GSE1: variants seen among roughly 807,000 people sequenced by gnomAD.
GSE1 encodes genetic suppressor element 1.
GSE1 carries 32 observed loss-of-function variants against 112.6 expected under a neutral mutation model. The observed-to-expected ratio is 0.28, with a 90% CI of 0.21 to 0.38. GSE1 has a LOEUF of 0.38. GSE1 is among the 10% of genes least tolerant of loss of function. The pLI, the probability that GSE1 is intolerant of heterozygous loss-of-function variation, is 1.00. For missense variants in GSE1, 2,348 were observed against 1,699.2 expected (o/e 1.38, Z -6.71); for synonymous variants, 1,115 against 735.6 (o/e 1.52, Z -8.35).
intron 2 of GSE1, among the ~76,000 whole-genome samples, chr16:85,530,768 G>A (rs538123979): frequency 6.6e-6 from 1 of 152,378 alleles, no homozygotes; most frequent in East Asian, 1.9e-4. Context: ...CAGCCTGCAT[G>A]GCAGTTCCTT....
intron 2 of GSE1, among the ~76,000 whole-genome samples, chr16:85,390,864 C>T (rs545468330): frequency 3.5e-4 from 54 of 152,326 alleles, no homozygotes; most frequent in African/African-American, 1.3e-3. Flanking sequence ...TATGACATTA[C>T]ATTTTTGTGT....
rs553284519 is a variant in GSE1, at chr16:85,387,431, C to A, written c.2464+29788C>A. On this transcript the variant is annotated intron_variant, in intron 2 of 2. Coordinates refer to the GSE1 transcript ENST00000637419. ...CTGCTCTGTGGTCCTGCCCCAGGGC[C>A]TTTGCATCTGCTGTCCCTTCAGCCT... Among the ~76,000 whole-genome samples, 37 of 152,346 alleles carry A rather than the reference C, an allele frequency of 2.4e-4. 1 individual carries two copies. In the South Asian group the frequency reaches 7.7e-3, roughly 32 times the overall value.
intron 2 of GSE1, among the ~76,000 whole-genome samples, chr16:85,477,280 G>A (rs1436634326): frequency 6.6e-6 from 1 of 152,168 alleles, no homozygotes; most frequent in Non-Finnish European, 1.5e-5. Flanking sequence ...CCTGTCCCGG[G>A]TGCCCAAAAC....
At chr16:85,366,203 GCTTTGACA>G (rs2047182166) in intron 2 of GSE1, among the ~76,000 whole-genome samples, 1 of 152,272 alleles carries the variant, frequency 6.6e-6, no homozygotes, top group Non-Finnish European at 1.5e-5. Flanking sequence ...GCTGCCGAGT[GCTTTGACA>G]CCAGGCGCTC....
At chr16:85,645,116 G>T (rs2050745936) in intron 2 of GSE1, among the ~76,000 whole-genome samples, 1 of 151,202 alleles carries the variant, frequency 6.6e-6, no homozygotes, top group South Asian at 2.1e-4. Context: ...CCGGCACAGT[G>T]CCCAGTCCCA....
At chr16:85,481,086 C>T (rs1165547944) in intron 2 of GSE1, among the ~76,000 whole-genome samples, 2 of 152,230 alleles carry the variant, frequency 1.3e-5, no homozygotes, top group Non-Finnish European at 2.9e-5. Context: ...CTCCAACCGG[C>T]CCTGACACCT....
chr16:85,671,016 T>TTA lies in GSE1; in HGVS notation c.3437_3438insTA (p.Leu1147SerfsTer18). 1 of 1,609,270 alleles carries TTA rather than the reference T, an allele frequency of 6.2e-7. No individual in the cohort carries two copies. The highest frequency in any genetic ancestry group is 8.5e-7 in the Non-Finnish European group (1 of 1,176,692). On this transcript the variant is annotated frameshift_variant, in exon 15 of 16. Transcript: ENST00000253458. LOFTEE classifies it high-confidence loss of function. ...TCAGAGCAAAATCTGGAGCGGCAGG[T>TTA]GTTACAGACACAATGTAGACGACTG...
chr16:85,235,428 C>CTCTGTGTGTGTGTGTGTGTGTGTGTG (rs775585078), intron 1 of GSE1, among the ~76,000 whole-genome samples: 2 of 126,318 alleles, frequency 1.6e-5, no homozygotes, highest in African/African-American at 3.1e-5. Context: ...TGGAAGGGTA[C>CTCTGTGTGTGTGTGTGTGTGTGTGTG]TGTGTGTGTG....
intron 1 of GSE1, among the ~76,000 whole-genome samples, chr16:85,218,410 T>C (rs974569548): frequency 1.3e-5 from 2 of 152,182 alleles, no homozygotes; most frequent in Non-Finnish European, 2.9e-5. Context: ...CTAAGATTCT[T>C]TGAAAGAGAA....
chr16:85,548,341 A>G (rs116504184), intron 2 of GSE1, among the ~76,000 whole-genome samples: 27 of 151,648 alleles, frequency 1.8e-4, no homozygotes, highest in Admixed American at 1.2e-3. Context: ...CTACTGATCT[A>G]TAGAACACTA....
At chr16:85,478,857 TTCTTTC>T (rs1309754743) in intron 2 of GSE1, among the ~76,000 whole-genome samples, 4 of 21,820 alleles carry the variant, frequency 1.8e-4, no homozygotes, top group African/African-American at 1.4e-3. Context: ...CTTTCTTTCT[TTCTTTC>T]TTTCTTTCTT....
rs138577400 is a variant in GSE1 at position 85,273,528 on chromosome 16, T to A, written c.2284-83935T>A. On this transcript the variant is annotated intron_variant, in intron 1 of 2. Transcript: ENST00000637419. The stretch of plus-strand genomic sequence containing the variant: ...GCAGCATGGATCAACCATGAAAACG[T>A]GACGCTGAGTGACAGAAGCCAGTCT... Among the ~76,000 whole-genome samples, 28 of 149,438 alleles carry A rather than the reference T, an allele frequency of 1.9e-4. No individual in the cohort carries two copies. The East Asian group carries it at 5.5e-3, about 29-fold the overall frequency.
chr16:85,231,599 G>A (rs1567626026), intron 1 of GSE1, among the ~76,000 whole-genome samples: 1 of 152,190 alleles, frequency 6.6e-6, no homozygotes, highest in Non-Finnish European at 1.5e-5. Flanking sequence ...CCAGTGGTTA[G>A]ATGCACGGGT....
At chr16:85,294,655 CTCTGTCTCTCT>C (rs2045316804) in intron 1 of GSE1, among the ~76,000 whole-genome samples, 1 of 119,340 alleles carries the variant, frequency 8.4e-6, no homozygotes, top group African/African-American at 3.3e-5. Context: ...CTCTCTCTCT[CTCTGTCTCTCT>C]CTCTCCCCCC....
At chr16:85,266,341 C>T (rs1460660896) in intron 1 of GSE1, among the ~76,000 whole-genome samples, 1 of 152,194 alleles carries the variant, frequency 6.6e-6, no homozygotes, top group Non-Finnish European at 1.5e-5. Context: ...AATTCCCTCC[C>T]TGCTTCTGTT....
chr16:85,642,676 T>G (rs1486531995), intron 2 of GSE1, among the ~76,000 whole-genome samples: 1 of 152,240 alleles, frequency 6.6e-6, no homozygotes, highest in Non-Finnish European at 1.5e-5. Context: ...GGACCCTCTT[T>G]AGGGAAGCAC....
intron 2 of GSE1, among the ~76,000 whole-genome samples, chr16:85,402,591 C>T (rs1380792606): frequency 4.6e-5 from 7 of 152,134 alleles, no homozygotes; most frequent in Non-Finnish European, 1.0e-4. Flanking sequence ...GTCGGGAGCG[C>T]GGCGCTGGGC....
At chr16:85,535,164 C>A (rs1011247603) in intron 2 of GSE1, among the ~76,000 whole-genome samples, 3 of 152,232 alleles carry the variant, frequency 2.0e-5, no homozygotes, top group Admixed American at 2.0e-4. Flanking sequence ...CAGGGTCACA[C>A]CAGCCTGGGG....
At position 85,483,960 on chromosome 16, in the gene GSE1, C is replaced by T. The variant is rs572266771; in HGVS notation, c.2464+126317C>T. 9.2e-5 allele frequency among the ~76,000 whole-genome samples: 14 copies of T among 152,294 alleles called. No individual in the cohort carries two copies. In the South Asian group the frequency reaches 1.9e-3, roughly 20 times the overall value. The stretch of plus-strand genomic sequence containing the variant: ...ACAGTGGGGGACTTTCAGACCTAAG[C>T]GTTGGAGGAAACCTCCTCAGCGACC... On this transcript the variant is annotated intron_variant, in intron 2 of 2. Transcript: ENST00000637419.
Sources: gnomAD v4.1 joint callset for allele counts (sites outside exome capture counted in the v4.1 genomes callset) on GRCh38, gnomAD v4.1.1 for gene constraint, MANE v1.5 for transcripts, NCBI Gene and HGNC (gene_info 2026-07-23, HGNC 2026-07-21) for gene names.